Variants in TENT4A observed in about 807,000 individuals in gnomAD.
TENT4A encodes the protein DNA polymerase kappa.
Under a neutral mutation model 72.8 loss-of-function variants are expected in TENT4A, and 7 were observed. The ratio of observed to expected loss-of-function variants is 0.10; its 90% CI spans 0.05 to 0.18. The LOEUF is 0.18. Among genes scored for constraint, TENT4A ranks in the 10% least tolerant of loss-of-function variants. The probability of loss-of-function intolerance (pLI) is 1.00; values close to 1 mark genes in which losing one functional copy is unlikely to be tolerated. For missense variants in TENT4A, 831 were observed against 1,017.7 expected (o/e 0.82, Z 2.50); for synonymous variants, 456 against 434.3 (o/e 1.05, Z -0.62).
At position 6,754,684 on chromosome 5, in the gene TENT4A, C is replaced by T. The variant is rs978221309; in HGVS notation, c.2185-67C>T. The T allele has an allele frequency of 3.8e-6, 5 of 1,319,886 alleles. No individual in the cohort carries two copies. In the Admixed American group the frequency reaches 9.2e-5, roughly 24 times the overall value. The allele number at this position is 1,319,886 out of a possible 1,614,324, so 81.8% of individuals were successfully genotyped here. On this transcript the variant is annotated intron_variant, in intron 12 of 12. Transcript: ENST00000230859. ...ATCACGTCGGTGCTTAGTGTGGTCA[C>T]TGCCCGAGGACGTGGGCATTGTGCC...
intron 1 of TENT4A, among the ~76,000 whole-genome samples, chr5:6,729,035 T>C (rs1741075893): frequency 6.6e-6 from 1 of 152,202 alleles, no homozygotes; most frequent in Non-Finnish European, 1.5e-5. Context: ...CTTTAAAATA[T>C]TGTATAGATA....
intron 1 of TENT4A, among the ~76,000 whole-genome samples, chr5:6,718,086 G>C (rs1300797161): frequency 1.3e-5 from 2 of 152,210 alleles, no homozygotes. Flanking sequence ...GGTGTATGCA[G>C]CTTCCTCTTT....
Position 6,750,516 on chromosome 5 carries a change from C to T in TENT4A, c.1860+13C>T. 1 of 1,571,246 alleles carries T rather than the reference C, an allele frequency of 6.4e-7. No individual in the cohort carries two copies. Reference sequence around the variant, plus strand: ...TGGGAGTGACGTTGTAAGTGCCCTCCCCTCCTCCGTGTGTCTGTTGGACAG... The same window carrying T: ...TGGGAGTGACGTTGTAAGTGCCCTCTCCTCCTCCGTGTGTCTGTTGGACAG... On this transcript the variant is annotated intron_variant, in intron 10 of 12. Coordinates refer to ENST00000230859, the MANE Select transcript of TENT4A (RefSeq NM_006999.6).
chr5:6,730,099 C>G (rs961517848), intron 1 of TENT4A, among the ~76,000 whole-genome samples: 13 of 152,086 alleles, frequency 8.5e-5, no homozygotes, highest in Non-Finnish European at 1.2e-4. Context: ...TTCTCCGCCC[C>G]CCCCCGGAGT....
At chr5:6,754,289 T>C (rs274677) in intron 12 of TENT4A, among the ~76,000 whole-genome samples, 90,065 of 152,018 alleles carry the variant, frequency 0.59, 27,445 homozygotes, top group Middle Eastern at 0.68. Flanking sequence ...GTGCCTCAGC[T>C]TCTTGAGTAG....
rs28363350 is a variant in TENT4A, at chr5:6,738,537, T to A, written c.841-146T>A. ...ACTTAAAGGGAATTTTCTGGTTGAT[T>A]GTTATACGGTCCCCTCCATCAGTTT... On this transcript the variant is annotated intron_variant, in intron 2 of 12. Transcript: ENST00000230859. 8.2e-3 allele frequency: 5,602 copies of A among 685,972 alleles called. 52 individuals carry two copies. Among genetic ancestry groups the A allele is most frequent in the South Asian group, 0.019 (1,128 of 57,970 alleles). 42.5% of individuals were successfully genotyped at this position (685,972 alleles called of 1,614,324 possible).
In TENT4A at chr5:6,752,866, T is replaced by G; in HGVS notation, c.2020-7T>G. 6.2e-7 allele frequency: 1 copy of G among 1,608,584 alleles called. No individual in the cohort carries two copies. ...GTACCCATGGCCGTCTCTCATTTTG[T>G]TCCTAGACCAGGTTTACTATACCTC... On this transcript the variant is annotated splice_polypyrimidine_tract_variant and splice_region_variant and intron_variant, in intron 11 of 12. Transcript: ENST00000230859.
intron 2 of TENT4A, among the ~76,000 whole-genome samples, chr5:6,738,316 A>G (rs962330695): frequency 4.0e-5 from 6 of 151,738 alleles, no homozygotes; most frequent in African/African-American, 7.3e-5. Context: ...AATGATACAG[A>G]TTTTTGGCTT....
At chr5:6,716,238 G>A (rs1369222150) in intron 1 of TENT4A, among the ~76,000 whole-genome samples, 2 of 152,176 alleles carry the variant, frequency 1.3e-5, no homozygotes, top group Non-Finnish European at 2.9e-5. Context: ...CTAGGATCAG[G>A]TGCTGTGCTA....
chr5:6,741,268 C>T (rs1050242776), intron 4 of TENT4A, among the ~76,000 whole-genome samples: 5 of 152,142 alleles, frequency 3.3e-5, no homozygotes, highest in African/African-American at 9.7e-5. Context: ...ACTGTGCAGC[C>T]GGCCAGTCAT....
At chr5:6,743,607 G>A (rs1741939169) in intron 5 of TENT4A, 105 bp from the exon 6 acceptor site, 2 of 898,922 alleles carry the variant, frequency 2.2e-6, no homozygotes, top group Middle Eastern at 3.5e-4. Context: ...AGATGGGCAA[G>A]AGGATCGAGG....
intron 1 of TENT4A, among the ~76,000 whole-genome samples, chr5:6,720,913 G>C (rs1483264027): frequency 6.6e-6 from 1 of 152,110 alleles, no homozygotes; most frequent in Non-Finnish European, 1.5e-5. Flanking sequence ...CTTTGCAGAA[G>C]ATGTGGGGAA....
intron 1 of TENT4A, among the ~76,000 whole-genome samples, chr5:6,718,868 A>G (rs1370634912): frequency 6.6e-6 from 1 of 152,186 alleles, no homozygotes; most frequent in Non-Finnish European, 1.5e-5. Context: ...GACAGCTGAC[A>G]CTTGGAGAAG....
Position 6,743,755 on chromosome 5 carries a change from T to A in TENT4A, c.1160T>A (p.Phe387Tyr), listed in dbSNP as rs1741945366. Residue 387 changes from phenylalanine (F) to tyrosine (Y), a missense_variant, in exon 6 of 13, where the codon TTC (phenylalanine) becomes TAC (tyrosine). Around this residue, in one of 3 missense-constraint regions of TENT4A, gnomAD observed 197 missense variants for 399.6 expected, o/e 0.49. Transcript: ENST00000230859. ...TACTTGATTTTAGTATTGAAACAGT[T>A]CCTTCTGCAGAGGGACCTGAATGAA... ...LPYLILVLKQ[F>Y]LLQRDLNEVF... The A allele has an allele frequency of 1.9e-6, 3 of 1,612,966 alleles. No individual in the cohort carries two copies. Among genetic ancestry groups the A allele is most frequent in the Non-Finnish European group, 2.5e-6 (3 of 1,178,992 alleles).
intron 12 of TENT4A, 127 bp downstream of exon 12, chr5:6,753,164 A>G (rs1198365602): frequency 2.2e-6 from 2 of 924,412 alleles, no homozygotes; most frequent in Non-Finnish European, 3.2e-6. Context: ...CTTTGTTGTC[A>G]TTCAGCCTGT....
intron 10 of TENT4A, chr5:6,750,784 A>T: frequency 1.8e-6 from 1 of 543,952 alleles, no homozygotes; most frequent in Admixed American, 3.5e-5. Flanking sequence ...GTTTTTAAAA[A>T]TTTATTTGAA....
chr5:6,738,755 G>A, intron 3 of TENT4A, 26 bp downstream of exon 3: 3 of 1,561,578 alleles, frequency 1.9e-6, no homozygotes, highest in African/African-American at 1.4e-5. Context: ...CATGGCATGG[G>A]CTAGTGGGGG....
chr5:6,724,162 G>A (rs1355554850), intron 1 of TENT4A, among the ~76,000 whole-genome samples: 1 of 152,230 alleles, frequency 6.6e-6, no homozygotes, highest in Non-Finnish European at 1.5e-5. Flanking sequence ...AGGCACTGGT[G>A]CCCAGATGCA....
intron 1 of TENT4A, among the ~76,000 whole-genome samples, chr5:6,722,280 G>A (rs1003453296): frequency 7.2e-5 from 11 of 152,180 alleles, no homozygotes; most frequent in African/African-American, 2.2e-4. Context: ...AAAGGCCACC[G>A]CTGCCCTTTT....
Sources: allele counts gnomAD v4.1 joint callset (sites outside exome capture counted in the v4.1 genomes callset), GRCh38; gene constraint gnomAD v4.1.1; regional missense constraint gnomAD v4.1.1; transcripts MANE v1.5; gene names NCBI Gene and HGNC (gene_info 2026-07-23, HGNC 2026-07-21).